PKN2: variants seen among roughly 807,000 people sequenced by gnomAD.
PKN2 encodes the protein protein kinase N2, also known as serine/threonine-protein kinase N2.
Under a neutral mutation model 119.1 loss-of-function variants are expected in PKN2, and 38 were observed. The observed-to-expected ratio is 0.32, with a 90% CI of 0.25 to 0.42. The LOEUF (loss-of-function observed/expected upper bound fraction) is 0.42. PKN2 is among the 10% of genes least tolerant of loss of function. PKN2 has a pLI of 1.00. For synonymous variants in PKN2, 390 were observed against 384.9 expected, an observed-to-expected ratio of 1.01 and a Z score of -0.15; for missense variants, 850 against 1,165.1, an observed-to-expected ratio of 0.73 and a Z score of 3.94.
At chr1:88,764,766 A>G (rs548162966) in intron 3 of PKN2, among the ~76,000 whole-genome samples, 2 of 152,278 alleles carry the variant, frequency 1.3e-5, no homozygotes, top group African/African-American at 4.8e-5. Flanking sequence ...CCCGTTACAT[A>G]AGTAGTATAG....
At chr1:88,737,451 C>T (rs1668398167) in intron 1 of PKN2, among the ~76,000 whole-genome samples, 1 of 151,922 alleles carries the variant, frequency 6.6e-6, no homozygotes, top group South Asian at 2.1e-4. Flanking sequence ...CTCTTTTTCC[C>T]CCAGTAGATG....
intron 6 of PKN2, among the ~76,000 whole-genome samples, chr1:88,784,132 C>CTTTTTTTTT (rs397862410): frequency 1.9e-5 from 2 of 103,946 alleles, no homozygotes; most frequent in Non-Finnish European, 1.8e-5. Flanking sequence ...GATGCTGTTC[C>CTTTTTTTTT]TTTTTTTTTT....
intron 1 of PKN2, among the ~76,000 whole-genome samples, chr1:88,720,176 G>A (rs1424680465): frequency 6.6e-6 from 1 of 151,968 alleles, no homozygotes; most frequent in Non-Finnish European, 1.5e-5. Flanking sequence ...TGGGACTATA[G>A]GTGCACGCTA....
At chr1:88,754,228 A>AT (rs536398972) in intron 2 of PKN2, among the ~76,000 whole-genome samples, 4 of 150,210 alleles carry the variant, frequency 2.7e-5, no homozygotes, top group Non-Finnish European at 5.9e-5. Flanking sequence ...ATTGGAGCTT[A>AT]TTTTTTTTTC....
intron 1 of PKN2, among the ~76,000 whole-genome samples, chr1:88,724,280 A>G (rs1667808982): frequency 6.6e-6 from 1 of 152,116 alleles, no homozygotes; most frequent in African/African-American, 2.4e-5. Context: ...TAGTTTCTTG[A>G]TAGTTTATAT....
At chr1:88,768,604 T>G (rs1669757475) in intron 3 of PKN2, among the ~76,000 whole-genome samples, 1 of 152,242 alleles carries the variant, frequency 6.6e-6, no homozygotes, top group Non-Finnish European at 1.5e-5. Context: ...ATTTGCTACC[T>G]TAAATCTCCC....
intron 1 of PKN2, among the ~76,000 whole-genome samples, chr1:88,707,150 T>C (rs1667035158): frequency 6.6e-6 from 1 of 152,084 alleles, no homozygotes; most frequent in Non-Finnish European, 1.5e-5. Context: ...TGAGAATAAC[T>C]TATGTCTCTT....
intron 6 of PKN2, among the ~76,000 whole-genome samples, chr1:88,774,743 T>C (rs1272048748): frequency 6.6e-6 from 1 of 152,064 alleles, no homozygotes; most frequent in Non-Finnish European, 1.5e-5. Flanking sequence ...GGATCTCTCT[T>C]TGTTGCCCAG....
At chr1:88,819,533 T>A (rs1189557585) in intron 16 of PKN2, among the ~76,000 whole-genome samples, 1 of 152,200 alleles carries the variant, frequency 6.6e-6, no homozygotes, top group Non-Finnish European at 1.5e-5. Context: ...GGAGAGGATA[T>A]GGAGAAATAG....
At chr1:88,722,336 C>T (rs1667714003) in intron 1 of PKN2, among the ~76,000 whole-genome samples, 1 of 152,082 alleles carries the variant, frequency 6.6e-6, no homozygotes, top group African/African-American at 2.4e-5. Context: ...AAGCCCTTTC[C>T]ATATTATAAA....
At chr1:88,778,444 G>A (rs565778267) in intron 6 of PKN2, among the ~76,000 whole-genome samples, 1 of 152,350 alleles carries the variant, frequency 6.6e-6, no homozygotes, top group Admixed American at 6.5e-5. Flanking sequence ...GTCAACCATA[G>A]GTTAGAGCTT....
intron 8 of PKN2, among the ~76,000 whole-genome samples, chr1:88,797,440 A>C (rs1025197128): frequency 6.6e-6 from 1 of 151,634 alleles, no homozygotes; most frequent in South Asian, 2.1e-4. Context: ...TCAAGAGATC[A>C]AGACCATCCT....
At chr1:88,755,571 G>C (rs1034054632) in intron 2 of PKN2, among the ~76,000 whole-genome samples, 20 of 152,082 alleles carry the variant, frequency 1.3e-4, no homozygotes, top group Admixed American at 1.3e-3. Context: ...CAGAAATACT[G>C]GCTACTTAGC....
chr1:88,825,143 T>A (rs967267513), intron 18 of PKN2, among the ~76,000 whole-genome samples: 1 of 152,232 alleles, frequency 6.6e-6, no homozygotes, highest in African/African-American at 2.4e-5. Context: ...AGTAGTTGGA[T>A]GAATAAATGA....
chr1:88,777,233 A>G (rs767938052), intron 6 of PKN2, among the ~76,000 whole-genome samples: 30 of 152,076 alleles, frequency 2.0e-4, no homozygotes, highest in Non-Finnish European at 3.2e-4. Context: ...TTTCAATTCC[A>G]GAATTTCTGT....
chr1:88,712,244 A>G (rs929801389), intron 1 of PKN2, among the ~76,000 whole-genome samples: 2 of 152,176 alleles, frequency 1.3e-5, no homozygotes, highest in Admixed American at 6.6e-5. Context: ...CTTGCTCTTT[A>G]TATCACCACT....
intron 1 of PKN2, among the ~76,000 whole-genome samples, chr1:88,709,256 T>G (rs1667126995): frequency 6.6e-6 from 1 of 152,108 alleles, no homozygotes; most frequent in Admixed American, 6.6e-5. Context: ...GGTTTCACCA[T>G]GTTGGCCAGG....
At chr1:88,830,979 C>A (rs1312810358) in intron 19 of PKN2, among the ~76,000 whole-genome samples, 3 of 151,972 alleles carry the variant, frequency 2.0e-5, no homozygotes, top group Non-Finnish European at 2.9e-5. Flanking sequence ...ATTGTAAACT[C>A]ACCGGATATA....
At chr1:88,770,253 T>G in intron 3 of PKN2, 99 bp from the exon 4 acceptor site, 1 of 653,192 alleles carries the variant, frequency 1.5e-6, no homozygotes, top group Non-Finnish European at 2.7e-6. Flanking sequence ...TAACTCTGTT[T>G]TTCACTTGCT....
Sources: gnomAD v4.1 joint callset for allele counts (sites outside exome capture counted in the v4.1 genomes callset) on GRCh38, gnomAD v4.1.1 for gene constraint, MANE v1.5 for transcripts, NCBI Gene and HGNC (gene_info 2026-07-23, HGNC 2026-07-21) for gene names.